Variants in RHBDD1 observed in about 807,000 individuals in gnomAD.
The protein encoded by RHBDD1 is rhomboid-related protein 4.
Under a neutral mutation model 36.3 loss-of-function variants are expected in RHBDD1, and 38 were observed. That is an observed-to-expected ratio of 1.05 (90% CI 0.81 to 1.37). The LOEUF (loss-of-function observed/expected upper bound fraction) is 1.37, where lower values mean the gene tolerates loss of function less well. RHBDD1 is among the 40% of genes most tolerant of loss of function. The pLI is 0.00. For synonymous variants in RHBDD1, 151 were observed against 136.5 expected, an observed-to-expected ratio of 1.11 and a Z score of -0.74; for missense variants, 393 against 377.6, an observed-to-expected ratio of 1.04 and a Z score of -0.34.
At chr2:226,842,180 T>C (rs1941712791) in intron 3 of RHBDD1, among the ~76,000 whole-genome samples, 1 of 106,618 alleles carries the variant, frequency 9.4e-6, no homozygotes, top group South Asian at 2.6e-4. Context: ...TTGTAGACTG[T>C]GGATATTAAA....
intron 3 of RHBDD1, among the ~76,000 whole-genome samples, chr2:226,843,979 C>T (rs1192668225): frequency 6.6e-6 from 1 of 152,058 alleles, no homozygotes; most frequent in Non-Finnish European, 1.5e-5. Flanking sequence ...TTCAGGGATT[C>T]AATTTCTTCC....
At chr2:226,921,598 C>A (rs748063188) in intron 8 of RHBDD1, among the ~76,000 whole-genome samples, 3 of 152,134 alleles carry the variant, frequency 2.0e-5, no homozygotes, top group Non-Finnish European at 4.4e-5. Flanking sequence ...ACCCACTGGT[C>A]ATTTAGGAAC....
intron 8 of RHBDD1, among the ~76,000 whole-genome samples, chr2:226,990,607 A>G (rs553431939): frequency 1.5e-4 from 23 of 152,272 alleles, no homozygotes; most frequent in African/African-American, 5.5e-4. Context: ...CCTTTTAGCA[A>G]TTCTTATCTG....
the RHBDD1 span, among the ~76,000 whole-genome samples, chr2:226,813,935 A>G: frequency 0.059 from 8,966 of 152,272 alleles, 792 homozygotes; most frequent in African/African-American, 0.2. Context: ...AGAGTTGGCC[A>G]GTTTGACACT....
At chr2:226,943,244 T>G (rs1217741595) in intron 8 of RHBDD1, among the ~76,000 whole-genome samples, 1 of 152,200 alleles carries the variant, frequency 6.6e-6, no homozygotes, top group African/African-American at 2.4e-5. Context: ...CCTTAATAGA[T>G]ACCTGGCCCA....
the RHBDD1 span, among the ~76,000 whole-genome samples, chr2:226,809,609 A>G: frequency 6.6e-6 from 1 of 152,188 alleles, no homozygotes; most frequent in African/African-American, 2.4e-5. Flanking sequence ...ACTTCTAAAC[A>G]TTCTTAAGAT....
intron 6 of RHBDD1, 134 bp downstream of exon 6, chr2:226,907,015 C>A (rs1414639162): frequency 4.4e-6 from 4 of 919,344 alleles, no homozygotes; most frequent in Admixed American, 4.0e-5. Flanking sequence ...TCTTTTTAAA[C>A]CGAAAGGTAA....
At chr2:226,941,620 G>A (rs1441013939) in intron 8 of RHBDD1, among the ~76,000 whole-genome samples, 1 of 152,164 alleles carries the variant, frequency 6.6e-6, no homozygotes, top group East Asian at 1.9e-4. Flanking sequence ...AATGGTACTT[G>A]AGCTCATCTA....
At chr2:226,992,431 A>T (rs905462685) in intron 8 of RHBDD1, among the ~76,000 whole-genome samples, 5 of 152,244 alleles carry the variant, frequency 3.3e-5, no homozygotes, top group Non-Finnish European at 5.9e-5. Flanking sequence ...TGGCTTTTGT[A>T]TCAATAACAC....
intron 3 of RHBDD1, among the ~76,000 whole-genome samples, chr2:226,846,366 G>C (rs1942214919): frequency 6.6e-6 from 1 of 152,112 alleles, no homozygotes; most frequent in African/African-American, 2.4e-5. Flanking sequence ...CTCTAATTCT[G>C]ATTTTTCTGA....
At chr2:226,942,370 G>T (rs1157125129) in intron 8 of RHBDD1, 1 of 164,672 alleles carries the variant, frequency 6.1e-6, no homozygotes, top group African/African-American at 2.4e-5. Flanking sequence ...GTCCTGAGTA[G>T]CTGGGACTAC....
At chr2:226,969,806 ACT>A (rs1377456108) in intron 8 of RHBDD1, among the ~76,000 whole-genome samples, 4 of 151,786 alleles carry the variant, frequency 2.6e-5, no homozygotes, top group Admixed American at 6.6e-5. Context: ...TTTTTAGTAG[ACT>A]CTCATTCTTC....
chr2:226,910,552 G>T (rs1252735933), intron 7 of RHBDD1, among the ~76,000 whole-genome samples: 2 of 151,954 alleles, frequency 1.3e-5, no homozygotes. Flanking sequence ...AATCTTGGTG[G>T]TGTTTCTTGA....
At chr2:226,859,321 C>A (rs1042585944) in intron 3 of RHBDD1, among the ~76,000 whole-genome samples, 2 of 152,024 alleles carry the variant, frequency 1.3e-5, no homozygotes, top group African/African-American at 4.8e-5. Flanking sequence ...GTCATTATTC[C>A]CTAACAATAC....
At chr2:226,806,953 G>T in the RHBDD1 span, among the ~76,000 whole-genome samples, 20 of 152,272 alleles carry the variant, frequency 1.3e-4, no homozygotes, top group African/African-American at 4.1e-4. Flanking sequence ...CAATGGATTC[G>T]AGTTTACCTA....
intron 8 of RHBDD1, among the ~76,000 whole-genome samples, chr2:226,984,522 C>T (rs1443605511): frequency 6.6e-6 from 1 of 152,204 alleles, no homozygotes; most frequent in Non-Finnish European, 1.5e-5. Context: ...CCTCCACATG[C>T]CATCACATTG....
intron 8 of RHBDD1, among the ~76,000 whole-genome samples, chr2:226,915,689 G>A (rs1948851475): frequency 6.6e-6 from 1 of 152,102 alleles, no homozygotes; most frequent in African/African-American, 2.4e-5. Flanking sequence ...ACAACAAGCG[G>A]GAGACAAGTT....
chr2:226,883,267 A>G (rs1379699857), intron 5 of RHBDD1, among the ~76,000 whole-genome samples: 1 of 152,242 alleles, frequency 6.6e-6, no homozygotes, highest in Non-Finnish European at 1.5e-5. Context: ...GTTTTAATTT[A>G]GGTGCATGAA....
the RHBDD1 span, among the ~76,000 whole-genome samples, chr2:226,810,640 A>T: frequency 1.3e-5 from 2 of 151,700 alleles, no homozygotes; most frequent in Non-Finnish European, 2.9e-5. Flanking sequence ...CATCCTAAAG[A>T]TCTTCATCCT....
Sources: allele counts gnomAD v4.1 joint callset (sites outside exome capture counted in the v4.1 genomes callset), GRCh38; gene constraint gnomAD v4.1.1; transcripts MANE v1.5; gene names NCBI Gene and HGNC (gene_info 2026-07-23, HGNC 2026-07-21).